The following RGSL1 variants were observed in gnomAD, a reference collection of about 807,000 sequenced individuals.
RGSL1 encodes the protein regulator of G protein signaling like 1.
In RGSL1, 97 loss-of-function variants were observed where a neutral mutation model predicts 124.7. The observed-to-expected ratio is 0.78, with a 90% CI of 0.66 to 0.92. The LOEUF is 0.92. RGSL1 is among the 40% of genes least tolerant of loss of function. The pLI, the probability that RGSL1 is intolerant of heterozygous loss-of-function variation, is 0.00. For missense variants in RGSL1, 1,233 were observed against 1,288.4 expected (o/e 0.96, Z 0.66); for synonymous variants, 424 against 438.1 (o/e 0.97, Z 0.40).
intron 1 of RGSL1, chr1:182,453,645 G>A (rs749920782): frequency 1.4e-4 from 31 of 219,308 alleles, no homozygotes; most frequent in Admixed American, 4.8e-4. Context: ...TTCAGAGGGC[G>A]TGATTTTTAC....
At chr1:182,453,063 A>C (rs148536215) in intron 1 of RGSL1, among the ~76,000 whole-genome samples, 2 of 152,320 alleles carry the variant, frequency 1.3e-5, no homozygotes, top group Non-Finnish European at 2.9e-5. Context: ...GGAAACTCTT[A>C]TTTACTAGAG....
At position 182,530,938 on chromosome 1, in the gene RGSL1, C is replaced by A. The variant is rs372965467; in HGVS notation, c.2364+28C>A. ...TAGTGAAGAAGAAAGTGAAACAAGA[C>A]ATTAGAGACAAGAAAACCATCGTCT... On this transcript the variant is annotated intron_variant, in intron 13 of 21. Transcript: ENST00000294854. 8 of 1,535,274 alleles carry A rather than the reference C, an allele frequency of 5.2e-6. No homozygotes were observed. The African/African-American group carries it at 1.1e-4, about 21-fold the overall frequency.
At chr1:182,496,004 C>T (rs1268893141) in intron 9 of RGSL1, among the ~76,000 whole-genome samples, 1 of 152,072 alleles carries the variant, frequency 6.6e-6, no homozygotes, top group Non-Finnish European at 1.5e-5. Context: ...TAAAGAAATA[C>T]CTGAGGTTGG....
chr1:182,449,983 T>A (rs1651685337), upstream of RGSL1: 1 of 663,386 alleles, frequency 1.5e-6, no homozygotes, highest in Non-Finnish European at 2.7e-6. Context: ...ATTCAGCAGA[T>A]TAGGTAAGAT....
intron 14 of RGSL1, among the ~76,000 whole-genome samples, chr1:182,533,573 C>T (rs1659339709): frequency 6.6e-6 from 1 of 152,204 alleles, no homozygotes; most frequent in African/African-American, 2.4e-5. Flanking sequence ...ATACAAGCCA[C>T]AGATGTTGGA....
chr1:182,540,140 CA>C (rs972610210), intron 14 of RGSL1, 106 bp from the exon 15 acceptor site: 5 of 1,160,114 alleles, frequency 4.3e-6, no homozygotes, highest in Non-Finnish European at 2.3e-6. Flanking sequence ...TTCAGTAGGC[CA>C]AAAGGATGGA....
chr1:182,522,579 T>C (rs1470866142), intron 10 of RGSL1, among the ~76,000 whole-genome samples: 6 of 152,206 alleles, frequency 3.9e-5, no homozygotes, highest in African/African-American at 1.4e-4. Context: ...AATCAAACTC[T>C]GGTAAGGTCC....
chr1:182,484,898 G>C (rs1024265280), intron 6 of RGSL1, among the ~76,000 whole-genome samples: 1 of 152,156 alleles, frequency 6.6e-6, no homozygotes, highest in Non-Finnish European at 1.5e-5. Context: ...TTTGGCAGCA[G>C]TTTACCCTCA....
At chr1:182,457,382 CCA>C (rs1325142083) in intron 2 of RGSL1, among the ~76,000 whole-genome samples, 3 of 152,160 alleles carry the variant, frequency 2.0e-5, no homozygotes, top group Non-Finnish European at 2.9e-5. Flanking sequence ...GCTTAACACC[CCA>C]CTCAGTGTGT....
At chr1:182,460,199 G>A in intron 4 of RGSL1, 66 bp downstream of exon 4, 1 of 1,477,666 alleles carries the variant, frequency 6.8e-7, no homozygotes, top group Non-Finnish European at 9.0e-7. Context: ...AATATAGGAA[G>A]TCACACTTCA....
intron 1 of RGSL1, among the ~76,000 whole-genome samples, chr1:182,451,988 A>C (rs530198675): frequency 1.3e-5 from 2 of 152,162 alleles, no homozygotes; most frequent in South Asian, 4.2e-4. Flanking sequence ...AGAACAAGAG[A>C]GTAAGAGCAA....
intron 6 of RGSL1, among the ~76,000 whole-genome samples, chr1:182,482,854 G>A (rs758964214): frequency 2.0e-5 from 3 of 152,150 alleles, no homozygotes; most frequent in Admixed American, 6.5e-5. Context: ...CAATAGCCAA[G>A]ATATGAAAAC....
At position 182,472,442 on chromosome 1, in the gene RGSL1, C is replaced by A; in HGVS notation, c.348C>A (p.Ser116Arg). The A allele has an allele frequency of 6.4e-7, 1 of 1,551,170 alleles. No homozygotes were observed. Among genetic ancestry groups the A allele is most frequent in the Non-Finnish European group, 8.7e-7 (1 of 1,146,672 alleles). ...GGATCCTTGCTGAGAACATCCTGAG[C>A]ATAGATGAGATGGACCTGGAAGTGA... ...DFWILAENIL[S>R]IDEMDLEVRD... is the part of the protein sequence containing the mutation. Residue 116 changes from serine to arginine, a missense_variant, in exon 5 of 22, where the codon AGC becomes AGA. By Grantham distance (110) the Ser-to-Arg change is moderately radical (BLOSUM62 -1). Transcript: ENST00000294854.
chr1:182,448,790 C>T (rs1034815549), upstream of RGSL1, among the ~76,000 whole-genome samples: 4 of 152,170 alleles, frequency 2.6e-5, no homozygotes, highest in African/African-American at 9.7e-5. Flanking sequence ...GCCAGTGATA[C>T]TGGCTTTTCA....
intron 6 of RGSL1, among the ~76,000 whole-genome samples, chr1:182,482,302 C>T (rs909389727): frequency 1.3e-5 from 2 of 152,164 alleles, no homozygotes; most frequent in Admixed American, 6.5e-5. Context: ...AAGCTGAAAT[C>T]ATTCCCTCTA....
intron 5 of RGSL1, 78 bp from the exon 6 acceptor site, chr1:182,473,497 A>G (rs1654015851): frequency 3.5e-6 from 5 of 1,431,452 alleles, no homozygotes. Context: ...TTTGAAAAAA[A>G]TTAAAAACCT....
intron 4 of RGSL1, chr1:182,460,679 G>A (rs1652752540): frequency 2.2e-6 from 1 of 456,018 alleles, no homozygotes; most frequent in South Asian, 1.5e-5. Flanking sequence ...GGGACTCCCA[G>A]GAAGATGATG....
intron 16 of RGSL1, 55 bp from the exon 17 acceptor site, chr1:182,548,644 GT>G (rs1202711179): frequency 6.5e-7 from 1 of 1,545,020 alleles, no homozygotes; most frequent in African/African-American, 1.4e-5. Flanking sequence ...GCCAGGAGAG[GT>G]TTTCTGCCTT....
chr1:182,486,076 G>C (rs946824052), intron 6 of RGSL1, among the ~76,000 whole-genome samples: 1 of 152,060 alleles, frequency 6.6e-6, no homozygotes, highest in East Asian at 1.9e-4. Context: ...AGAAGGGGCC[G>C]GGAGGGTTTG....
Sources: allele counts gnomAD v4.1 joint callset (sites outside exome capture counted in the v4.1 genomes callset), GRCh38; gene constraint gnomAD v4.1.1; transcripts MANE v1.5; gene names NCBI Gene and HGNC (gene_info 2026-07-23, HGNC 2026-07-21).